The following ABLIM2 variants were observed in gnomAD, a reference collection of about 807,000 sequenced individuals.
The protein encoded by ABLIM2 is actin binding LIM protein family member 2, also known as actin-binding LIM protein 2.
Under a neutral mutation model 97.7 loss-of-function variants are expected in ABLIM2, and 53 were observed. The ratio of observed to expected loss-of-function variants is 0.54; its 90% CI spans 0.44 to 0.68. The LOEUF (loss-of-function observed/expected upper bound fraction) is 0.68. Ranked by LOEUF, ABLIM2 falls within the 30% of genes least tolerant of loss-of-function variation. The pLI is 0.00. For missense variants in ABLIM2, 835 were observed against 867.2 expected (o/e 0.96, Z 0.47); for synonymous variants, 361 against 345.8 (o/e 1.04, Z -0.49).
intron 3 of ABLIM2, among the ~76,000 whole-genome samples, chr4:8,094,893 T>C (rs1394455439): frequency 1.3e-5 from 2 of 151,980 alleles, no homozygotes; most frequent in Non-Finnish European, 2.9e-5. Flanking sequence ...ATACAACTAG[T>C]AATTCCTTCC....
chr4:8,129,228 T>A (rs1268818856), intron 1 of ABLIM2, among the ~76,000 whole-genome samples: 2 of 152,214 alleles, frequency 1.3e-5, no homozygotes, highest in African/African-American at 4.8e-5. Context: ...CTCAATGCCA[T>A]CTTTAAGGGA....
At chr4:7,995,171 G>C (rs1487381246) in intron 16 of ABLIM2, among the ~76,000 whole-genome samples, 1 of 152,062 alleles carries the variant, frequency 6.6e-6, no homozygotes, top group Admixed American at 6.6e-5. Context: ...AAAAGTCAGG[G>C]AAGCATTCTT....
intron 10 of ABLIM2, among the ~76,000 whole-genome samples, chr4:8,030,022 C>G (rs1254589076): frequency 1.3e-5 from 2 of 152,250 alleles, no homozygotes; most frequent in East Asian, 3.9e-4. Context: ...TACAGGGACC[C>G]ACTGGCGGGG....
At chr4:8,065,012 G>C (rs796832397) in intron 6 of ABLIM2, among the ~76,000 whole-genome samples, 4 of 152,320 alleles carry the variant, frequency 2.6e-5, no homozygotes, top group African/African-American at 7.2e-5. Context: ...TGCTCTCAGA[G>C]GTCAAGGCAA....
chr4:8,081,857 G>T (rs754145965), intron 4 of ABLIM2, among the ~76,000 whole-genome samples: 3 of 152,178 alleles, frequency 2.0e-5, no homozygotes, highest in Non-Finnish European at 4.4e-5. Flanking sequence ...AACCACCCAG[G>T]TGTGCATTGA....
chr4:8,031,746 A>C (rs898321591), intron 10 of ABLIM2, among the ~76,000 whole-genome samples: 1 of 142,044 alleles, frequency 7.0e-6, no homozygotes, highest in Non-Finnish European at 1.5e-5. Flanking sequence ...TTTTTTTGAG[A>C]TGGAGTCTCG....
intron 18 of ABLIM2, among the ~76,000 whole-genome samples, chr4:7,983,865 A>G (rs946929995): frequency 2.6e-5 from 4 of 152,360 alleles, no homozygotes. Context: ...ACCCTGAGAA[A>G]GATGCCAGCC....
At chr4:8,041,098 C>G (rs761240394) in intron 9 of ABLIM2, among the ~76,000 whole-genome samples, 1 of 152,166 alleles carries the variant, frequency 6.6e-6, no homozygotes, top group Non-Finnish European at 1.5e-5. Flanking sequence ...CCTACTTGGC[C>G]GAGCAGGAAG....
rs904544274 is a variant in ABLIM2, at chr4:8,032,286, C to T, written c.1048-2510G>A. 5.9e-5 allele frequency among the ~76,000 whole-genome samples: 9 copies of T among 152,016 alleles called. No individual in the cohort carries two copies. Among genetic ancestry groups the T allele is most frequent in the African/African-American group, 2.2e-4 (9 of 41,386 alleles). ...AGTGTTTCTCCACGAGGACTGGGTG[C>T]TTCCACACAACCCACGTGGAGGGGC... On this transcript the variant is annotated intron_variant, in intron 10 of 20. Transcript: ENST00000447017. This position sits in a 1 kb window ranked among gnomAD's most constrained non-coding sequence, Gnocchi z 4.3.
At chr4:7,990,961 C>T (rs929175890) in intron 17 of ABLIM2, among the ~76,000 whole-genome samples, 7 of 152,210 alleles carry the variant, frequency 4.6e-5, no homozygotes, top group Admixed American at 2.0e-4. Flanking sequence ...AGAATCTCCA[C>T]GTGATGATGA....
chr4:7,990,940 G>A (rs1748221854), intron 17 of ABLIM2, among the ~76,000 whole-genome samples: 1 of 152,230 alleles, frequency 6.6e-6, no homozygotes, highest in East Asian at 1.9e-4. Flanking sequence ...CAGAAGCAAT[G>A]TGAAAAGCTA....
At chr4:7,974,785 G>A (rs988154598) in intron 20 of ABLIM2, among the ~76,000 whole-genome samples, 9 of 151,878 alleles carry the variant, frequency 5.9e-5, no homozygotes, top group African/African-American at 2.2e-4. Context: ...ATCCATCCAT[G>A]CATCCCTCCA....
chr4:8,002,989 G>T lies in ABLIM2; in HGVS notation c.1618+5070C>A, dbSNP rs923629845. Among the ~76,000 whole-genome samples the T allele has an allele frequency of 3.9e-5, 6 of 152,184 alleles. No individual in the cohort carries two copies. The highest frequency in any genetic ancestry group is 1.4e-4 in the African/African-American group (6 of 41,444). ...AGGGCACTGATATAACTCACTTTCAGCTTGTTTCTCTTTGTCTCCCAGCCC... is the reference window on the plus strand; with the variant it reads ...AGGGCACTGATATAACTCACTTTCATCTTGTTTCTCTTTGTCTCCCAGCCC... On this transcript the variant is annotated intron_variant, in intron 16 of 20. Coordinates refer to ENST00000447017, the MANE Select transcript of ABLIM2 (RefSeq NM_001130083.2). The surrounding 1 kb of genome is among the most constrained non-coding windows in gnomAD (Gnocchi z 6.1).
chr4:7,984,753 A>C, intron 18 of ABLIM2, 86 bp downstream of exon 18: 1 of 1,400,736 alleles, frequency 7.1e-7, no homozygotes, highest in Non-Finnish European at 9.7e-7. Flanking sequence ...CAGGCTGCGG[A>C]TGGGGTGGTT....
At position 8,082,814 on chromosome 4, in the gene ABLIM2, C is replaced by T. The variant is rs1240483466; in HGVS notation, c.455-2012G>A. ...CCCTTCTCAAGTCCAGGAGGCGACCCCCACATCACCCAATCTGCCGCGCTC... is the reference window on the plus strand; with the variant it reads ...CCCTTCTCAAGTCCAGGAGGCGACCTCCACATCACCCAATCTGCCGCGCTC... On this transcript the variant is annotated intron_variant, in intron 4 of 20. Coordinates refer to ENST00000447017, the MANE Select transcript of ABLIM2 (RefSeq NM_001130083.2). The surrounding 1 kb of genome is among the most constrained non-coding windows in gnomAD (Gnocchi z 5.6). Among the ~76,000 whole-genome samples, 1 of 152,136 alleles carries T rather than the reference C, an allele frequency of 6.6e-6. No homozygotes were observed. The highest frequency in any genetic ancestry group is 1.5e-5 in the Non-Finnish European group (1 of 68,016).
intron 8 of ABLIM2, among the ~76,000 whole-genome samples, chr4:8,049,472 C>CTGAA (rs1484494336): frequency 6.6e-6 from 1 of 152,190 alleles, no homozygotes; most frequent in Admixed American, 6.5e-5. Flanking sequence ...CAAAGTTAAC[C>CTGAA]TGAAAGACTG....
At chr4:8,091,895 AATAT>A (rs1828992593) in intron 3 of ABLIM2, among the ~76,000 whole-genome samples, 2 of 108,456 alleles carry the variant, frequency 1.8e-5, no homozygotes, top group South Asian at 5.0e-4. Context: ...TATATAACAT[AATAT>A]ATATAATATA....
At chr4:7,990,506 T>A (rs1215210637) in intron 17 of ABLIM2, among the ~76,000 whole-genome samples, 1 of 152,106 alleles carries the variant, frequency 6.6e-6, no homozygotes, top group Non-Finnish European at 1.5e-5. Flanking sequence ...TATTTGTTTG[T>A]TTGTTTGTTT....
chr4:8,007,562 A>C lies in ABLIM2; in HGVS notation c.1618+497T>G, dbSNP rs1407964528. ...AAAATCACTCCTGATTCAGTCTTCA[A>C]AACACCCCTAGGGTCAGGCAGACAC... is the stretch of plus-strand genomic sequence containing the variant. On this transcript the variant is annotated intron_variant, in intron 16 of 20. Coordinates refer to ENST00000447017, the MANE Select transcript of ABLIM2 (RefSeq NM_001130083.2). The C allele has an allele frequency of 2.9e-5, 29 of 986,486 alleles. No individual in the cohort carries two copies. In the South Asian group the frequency reaches 5.6e-4, roughly 19 times the overall value. 61.1% of individuals were successfully genotyped at this position (986,486 alleles called of 1,614,324 possible).
Sources: allele counts gnomAD v4.1 joint callset (sites outside exome capture counted in the v4.1 genomes callset), GRCh38; gene constraint gnomAD v4.1.1; non-coding constraint Gnocchi (gnomAD v3.1); transcripts MANE v1.5; gene names NCBI Gene and HGNC (gene_info 2026-07-23, HGNC 2026-07-21).